LMO7: variants seen among roughly 807,000 people sequenced by gnomAD.
LMO7 encodes LIM domain 7, also known as LIM domain only protein 7.
In LMO7, 120 loss-of-function variants were observed where a neutral mutation model predicts 206.5. The ratio of observed to expected loss-of-function variants is 0.58; its 90% CI spans 0.50 to 0.68. The LOEUF (loss-of-function observed/expected upper bound fraction) is 0.68. Ranked by LOEUF, LMO7 falls within the 30% of genes least tolerant of loss-of-function variation. LMO7 has a pLI of 0.00. For synonymous variants in LMO7, 706 were observed against 681.5 expected (o/e 1.04, Z -0.56); for missense variants, 1,959 against 1,957.9 (o/e 1.00, Z -0.01).
upstream of LMO7, chr13:75,636,309 G>GCGC (rs2035839176): frequency 9.1e-7 from 1 of 1,094,338 alleles, no homozygotes; most frequent in South Asian, 2.6e-5. Context: ...GACGGCGGCG[G>GCGC]CGCTGCGACT....
chr13:75,744,161 C>G (rs2046642710), intron 3 of LMO7, among the ~76,000 whole-genome samples: 1 of 152,212 alleles, frequency 6.6e-6, no homozygotes, highest in African/African-American at 2.4e-5. Flanking sequence ...TTGTCTGCCT[C>G]TATCTCTTCC....
At chr13:75,671,749 C>T (rs991383969) in intron 1 of LMO7, among the ~76,000 whole-genome samples, 1 of 152,142 alleles carries the variant, frequency 6.6e-6, no homozygotes, top group Admixed American at 6.5e-5. Context: ...ATATTAAAGA[C>T]ATTTTGGATC....
At chr13:75,622,857 C>A in intron 1 of LMO7, among the ~76,000 whole-genome samples, 1 of 152,162 alleles carries the variant, frequency 6.6e-6, no homozygotes, top group East Asian at 1.9e-4. Context: ...CGATAAACTT[C>A]TCTTAGGCCA....
chr13:75,756,342 A>G (rs945138150), intron 3 of LMO7, among the ~76,000 whole-genome samples: 6 of 152,312 alleles, frequency 3.9e-5, no homozygotes, highest in Middle Eastern at 3.4e-3. Context: ...CTGCCAGCTG[A>G]GACTGAAAGG....
chr13:75,632,320 G>C (rs1311936679), upstream of LMO7, among the ~76,000 whole-genome samples: 1 of 152,144 alleles, frequency 6.6e-6, no homozygotes, highest in Non-Finnish European at 1.5e-5. Context: ...ATTGGTGCCT[G>C]AGCTGACTTG....
chr13:75,665,275 A>G (rs1324209948), intron 1 of LMO7, among the ~76,000 whole-genome samples: 1 of 152,072 alleles, frequency 6.6e-6, no homozygotes, highest in East Asian at 1.9e-4. Context: ...TTCAGAACAA[A>G]TCTGCTCTAA....
In LMO7 at chr13:75,819,492, T is replaced by C. The variant is rs112464424; in HGVS notation, c.2164T>C (p.Ser722Pro). ...EEIEKQALEK[S>P]KRSSKTFKEM... ...AATTGAAAAGCAGGCACTTGAGAAG[T>C]CTAAGAGAAGCTCTAAGACGTTTAA... The change falls in exon 13 of 31, where the codon TCT becomes CCT. Residue 722 changes from serine to proline, a missense_variant. Ser to Pro is a moderately conservative substitution (Grantham distance 74, BLOSUM62 -1). Transcript: ENST00000377534. The C allele has an allele frequency of 1.2e-6, 2 of 1,612,592 alleles. No individual in the cohort carries two copies. Among genetic ancestry groups the C allele is most frequent in the Non-Finnish European group, 1.7e-6 (2 of 1,179,638 alleles).
chr13:75,739,346 T>C (rs912532300), intron 3 of LMO7, among the ~76,000 whole-genome samples: 2 of 152,200 alleles, frequency 1.3e-5, no homozygotes, highest in Non-Finnish European at 2.9e-5. Context: ...ATGGGCTGAA[T>C]TGAGCATCTT....
At chr13:75,728,035 T>C (rs1406396541) in intron 3 of LMO7, among the ~76,000 whole-genome samples, 1 of 152,064 alleles carries the variant, frequency 6.6e-6, no homozygotes, top group African/African-American at 2.4e-5. Context: ...TTGTTGGACA[T>C]TTGGGTTGGT....
At chr13:75,787,962 A>G (rs2052692493) in intron 4 of LMO7, among the ~76,000 whole-genome samples, 4 of 152,202 alleles carry the variant, frequency 2.6e-5, no homozygotes. Flanking sequence ...TGGTGATTGC[A>G]CTTTTCTCTA....
intron 20 of LMO7, among the ~76,000 whole-genome samples, chr13:75,839,003 G>A (rs975633261): frequency 1.3e-5 from 2 of 152,248 alleles, no homozygotes; most frequent in East Asian, 1.9e-4. Context: ...CTATTAACAC[G>A]TTTACAAACG....
At chr13:75,840,564 C>G in intron 22 of LMO7, 69 bp downstream of exon 22, 1 of 1,560,062 alleles carries the variant, frequency 6.4e-7, no homozygotes, top group South Asian at 1.2e-5. Context: ...GTCTGTCAAC[C>G]AGTATTGAGA....
intron 2 of LMO7, among the ~76,000 whole-genome samples, chr13:75,717,007 C>T (rs556445646): frequency 5.9e-5 from 9 of 151,322 alleles, no homozygotes; most frequent in African/African-American, 1.7e-4. Flanking sequence ...GATCCCAAGT[C>T]TCTGCCACAG....
At chr13:75,791,008 G>A (rs1466378903) in intron 4 of LMO7, among the ~76,000 whole-genome samples, 2 of 144,414 alleles carry the variant, frequency 1.4e-5, no homozygotes, top group Non-Finnish European at 3.0e-5. Flanking sequence ...ATGGAGTCTT[G>A]CTCTGTCGCC....
chr13:75,690,149 A>G (rs2041344304), intron 1 of LMO7, among the ~76,000 whole-genome samples: 1 of 151,068 alleles, frequency 6.6e-6, no homozygotes, highest in South Asian at 2.1e-4. Flanking sequence ...TGTCCAGACC[A>G]GTCTCCACCT....
intron 4 of LMO7, among the ~76,000 whole-genome samples, chr13:75,771,560 T>C (rs2049701778): frequency 6.6e-6 from 1 of 152,228 alleles, no homozygotes; most frequent in Non-Finnish European, 1.5e-5. Flanking sequence ...AAAAACAGAA[T>C]TTTTAAAGAC....
chr13:75,660,156 G>C (rs1258250331), intron 1 of LMO7, among the ~76,000 whole-genome samples: 1 of 152,190 alleles, frequency 6.6e-6, no homozygotes, highest in East Asian at 1.9e-4. Context: ...TGTTCTAGAC[G>C]ATGTAGGGGC....
chr13:75,757,779 G>A (rs1468039827), intron 3 of LMO7, among the ~76,000 whole-genome samples: 24 of 148,902 alleles, frequency 1.6e-4, no homozygotes, highest in Non-Finnish European at 3.1e-4. Context: ...TACATTTAGG[G>A]CTCATTGTTT....
At chr13:75,828,838 G>A (rs920974696) in intron 15 of LMO7, among the ~76,000 whole-genome samples, 2 of 152,082 alleles carry the variant, frequency 1.3e-5, no homozygotes, top group Non-Finnish European at 2.9e-5. Flanking sequence ...GATGGATTAT[G>A]GACTTGATAG....
Sources: allele counts gnomAD v4.1 joint callset (sites outside exome capture counted in the v4.1 genomes callset), GRCh38; gene constraint gnomAD v4.1.1; transcripts MANE v1.5; gene names NCBI Gene and HGNC (gene_info 2026-07-23, HGNC 2026-07-21).